The following LRRC20 variants were observed in gnomAD, a reference collection of about 807,000 sequenced individuals.
LRRC20 encodes the protein leucine-rich repeat-containing protein 20.
A neutral mutation model predicts 14.4 loss-of-function variants in LRRC20; 11 were observed. The observed-to-expected ratio is 0.77, with a 90% CI of 0.48 to 1.27. The LOEUF is 1.27. Among genes scored for constraint, LRRC20 ranks in the 50% most tolerant of loss-of-function variants. The pLI is 0.00. For synonymous variants in LRRC20, 121 were observed against 107.3 expected, an observed-to-expected ratio of 1.13 and a Z score of -0.79; for missense variants, 219 against 251.2, an observed-to-expected ratio of 0.87 and a Z score of 0.87.
At chr10:70,314,841 C>T (rs572059782) in intron 4 of LRRC20, among the ~76,000 whole-genome samples, 1 of 152,236 alleles carries the variant, frequency 6.6e-6, no homozygotes, top group Non-Finnish European at 1.5e-5. Flanking sequence ...GCCTCATTAC[C>T]TTATACTGTT....
intron 4 of LRRC20, among the ~76,000 whole-genome samples, chr10:70,319,576 C>T (rs1842001273): frequency 1.3e-5 from 2 of 152,204 alleles, no homozygotes; most frequent in South Asian, 2.1e-4. Flanking sequence ...CCCTCCCCTA[C>T]ACCTGTGACC....
chr10:70,368,183 A>G (rs1396041055), intron 2 of LRRC20, among the ~76,000 whole-genome samples: 3 of 94,824 alleles, frequency 3.2e-5, no homozygotes, highest in African/African-American at 4.1e-5. Context: ...TTTGAAACGG[A>G]GTCTCACTCT....
intron 2 of LRRC20, among the ~76,000 whole-genome samples, chr10:70,352,563 A>G (rs1241906807): frequency 6.6e-6 from 1 of 152,204 alleles, no homozygotes; most frequent in Non-Finnish European, 1.5e-5. Context: ...CCCTAATGTG[A>G]ACCATGGACT....
At chr10:70,306,931 G>C (rs1203931720) in intron 4 of LRRC20, among the ~76,000 whole-genome samples, 1 of 152,072 alleles carries the variant, frequency 6.6e-6, no homozygotes, top group African/African-American at 2.4e-5. Context: ...TTCATTATTG[G>C]ACTTCATTAT....
intron 2 of LRRC20, among the ~76,000 whole-genome samples, chr10:70,361,997 G>A (rs538593873): frequency 4.6e-5 from 7 of 152,300 alleles, no homozygotes; most frequent in African/African-American, 1.7e-4. Flanking sequence ...GACCAGCCTG[G>A]CCAACATGGT....
intron 2 of LRRC20, among the ~76,000 whole-genome samples, chr10:70,348,021 T>G (rs1188057019): frequency 6.6e-6 from 1 of 152,148 alleles, no homozygotes; most frequent in Non-Finnish European, 1.5e-5. Flanking sequence ...CAGGTACTGA[T>G]CTGCACAGTA....
At chr10:70,321,734 AAC>A (rs368923405) in intron 4 of LRRC20, among the ~76,000 whole-genome samples, 3 of 152,290 alleles carry the variant, frequency 2.0e-5, no homozygotes, top group Non-Finnish European at 4.4e-5. Context: ...CTGATTGGGA[AAC>A]ACAGCCCAGT....
intron 4 of LRRC20, among the ~76,000 whole-genome samples, chr10:70,304,172 T>A (rs10762362): frequency 6.6e-6 from 1 of 151,608 alleles, no homozygotes; most frequent in Non-Finnish European, 1.5e-5. Flanking sequence ...GCTGAGGCTC[T>A]GGCTGCATCC....
In LRRC20 at chr10:70,380,771, C is replaced by T. The variant is rs151284378; in HGVS notation, c.-64+1778G>A. The stretch of plus-strand genomic sequence containing the variant: ...ATTCCTCAGAGTGAGCATCCTGGTC[C>T]GGTGAAATGTTTAAATCCAGCAAAC... On this transcript the variant is annotated intron_variant, in intron 1 of 4. Transcript: ENST00000446961. Among the ~76,000 whole-genome samples, 423 of 152,330 alleles carry T rather than the reference C, an allele frequency of 2.8e-3. 10 individuals carry two copies. Among genetic ancestry groups the T allele is most frequent in the Non-Finnish European group, 1.0e-3 (68 of 68,034 alleles).
At chr10:70,319,732 C>A (rs1052654375) in intron 4 of LRRC20, among the ~76,000 whole-genome samples, 1 of 152,232 alleles carries the variant, frequency 6.6e-6, no homozygotes, top group Non-Finnish European at 1.5e-5. Context: ...TACTTTAAAA[C>A]TTCCATACAC....
At chr10:70,350,523 T>C (rs546438424) in intron 2 of LRRC20, among the ~76,000 whole-genome samples, 28 of 152,230 alleles carry the variant, frequency 1.8e-4, no homozygotes, top group Non-Finnish European at 7.4e-5. Flanking sequence ...AGGAGCAAAA[T>C]CCAAGAAGAC....
At chr10:70,320,296 G>GAGATAGATAGAT (rs10555469) in intron 4 of LRRC20, among the ~76,000 whole-genome samples, 3,736 of 148,420 alleles carry the variant, frequency 0.025, 55 homozygotes, top group East Asian at 0.03. Context: ...CATGTCCCAG[G>GAGATAGATAGAT]AGATAGATAG....
chr10:70,353,232 T>G (rs773012289), intron 2 of LRRC20, among the ~76,000 whole-genome samples: 78 of 152,318 alleles, frequency 5.1e-4, no homozygotes, highest in Non-Finnish European at 1.0e-3. Context: ...TTAAGGAAAC[T>G]GAGTCATGGA....
chr10:70,338,829 T>C (rs956793696), intron 3 of LRRC20, among the ~76,000 whole-genome samples: 1 of 152,138 alleles, frequency 6.6e-6, no homozygotes, highest in African/African-American at 2.4e-5. Context: ...CCCGGCTAAT[T>C]TTTGTATTTT....
chr10:70,378,488 CAA>C (rs72190981), intron 1 of LRRC20, among the ~76,000 whole-genome samples: 45,422 of 131,040 alleles, frequency 0.35, 7,622 homozygotes, highest in African/African-American at 0.48. Flanking sequence ...ACTAAAAATA[CAA>C]AAAAAAAAAA....
intron 4 of LRRC20, among the ~76,000 whole-genome samples, chr10:70,309,742 T>G (rs1374555624): frequency 6.6e-6 from 1 of 152,246 alleles, no homozygotes; most frequent in African/African-American, 2.4e-5. Context: ...TGGACTCCCG[T>G]GTCTCCTCTG....
chr10:70,306,882 A>G (rs1841446010), intron 4 of LRRC20, among the ~76,000 whole-genome samples: 1 of 152,182 alleles, frequency 6.6e-6, no homozygotes, highest in Non-Finnish European at 1.5e-5. Context: ...CCATGTATCT[A>G]TTATCAATAT....
intron 2 of LRRC20, among the ~76,000 whole-genome samples, chr10:70,346,916 C>T (rs1320460673): frequency 6.6e-6 from 1 of 152,156 alleles, no homozygotes; most frequent in East Asian, 1.9e-4. Flanking sequence ...GACAGGATCT[C>T]GCTCTGCCAC....
chr10:70,307,211 A>C (rs1245186532), intron 4 of LRRC20, among the ~76,000 whole-genome samples: 1 of 152,202 alleles, frequency 6.6e-6, no homozygotes, highest in Non-Finnish European at 1.5e-5. Context: ...TGTACATCGA[A>C]TCCATCTGCT....
Sources: gnomAD v4.1 joint callset for allele counts (sites outside exome capture counted in the v4.1 genomes callset) on GRCh38, gnomAD v4.1.1 for gene constraint, MANE v1.5 for transcripts, NCBI Gene and HGNC (gene_info 2026-07-23, HGNC 2026-07-21) for gene names.